The following KIAA0586 variants were observed in gnomAD, a reference collection of about 807,000 sequenced individuals.
The protein encoded by KIAA0586 is protein TALPID3.
Under a neutral mutation model 169.8 loss-of-function variants are expected in KIAA0586, and 144 were observed. The ratio of observed to expected loss-of-function variants is 0.85; its 90% CI spans 0.74 to 0.97. The LOEUF is 0.97. KIAA0586 is among the 50% of genes least tolerant of loss of function. The probability of loss-of-function intolerance (pLI) is 0.00; values close to 1 mark genes in which losing one functional copy is unlikely to be tolerated. For synonymous variants in KIAA0586, 625 were observed against 612.4 expected (o/e 1.02, Z -0.30); for missense variants, 1,854 against 1,823.0 (o/e 1.02, Z -0.31).
downstream of KIAA0586, among the ~76,000 whole-genome samples, chr14:58,554,988 T>A (rs2047234567): frequency 6.6e-6 from 1 of 152,048 alleles, no homozygotes; most frequent in Admixed American, 6.6e-5. Flanking sequence ...ACTGTTATGG[T>A]GAAATGAGTT....
At chr14:58,475,986 C>T (rs909585924) in intron 19 of KIAA0586, among the ~76,000 whole-genome samples, 2 of 152,088 alleles carry the variant, frequency 1.3e-5, no homozygotes, top group Non-Finnish European at 2.9e-5. Context: ...TGGTCCCTGC[C>T]ACTCGGGAGA....
intron 21 of KIAA0586, among the ~76,000 whole-genome samples, chr14:58,486,552 C>G (rs1329601358): frequency 4.0e-5 from 6 of 151,870 alleles, no homozygotes; most frequent in Non-Finnish European, 8.8e-5. Context: ...CAAATTAAAA[C>G]CACAGTGAGA....
intron 8 of KIAA0586, among the ~76,000 whole-genome samples, chr14:58,453,073 A>G (rs2039533548): frequency 6.6e-6 from 1 of 151,744 alleles, no homozygotes. Context: ...ACGCACCACC[A>G]TACCCAGCTA....
rs556366212 is a variant in KIAA0586 at position 58,470,716 on chromosome 14, GGATAA to G, written c.2547_2551del (p.Trp849Ter). On this transcript the variant is annotated stop_gained and frameshift_variant and splice_region_variant, in exon 17 of 31. Coordinates refer to ENST00000652326, the MANE Select transcript of KIAA0586 (RefSeq NM_001329943.3). LOFTEE classifies it high-confidence loss of function. Reference sequence around the variant, plus strand: ...GCATCTCTTCCTCCTGTGCAAACTTGGATAAAGGTATATTTCAGAATTTTATCATA... The same window carrying G: ...GCATCTCTTCCTCCTGTGCAAACTTGAGGTATATTTCAGAATTTTATCATA... The G allele has an allele frequency of 1.3e-6, 2 of 1,527,720 alleles. No homozygotes were observed. The highest frequency in any genetic ancestry group is 4.5e-5 in the East Asian group (2 of 44,256). 94.6% of individuals were successfully genotyped at this position (1,527,720 alleles called of 1,614,324 possible). A position where few individuals can be genotyped will look rare whatever the true frequency, so the allele number is the denominator to read the frequency against.
chr14:58,446,636 A>T (rs1282596455), intron 6 of KIAA0586, among the ~76,000 whole-genome samples: 1 of 152,188 alleles, frequency 6.6e-6, no homozygotes, highest in East Asian at 1.9e-4. Flanking sequence ...AAATAAGTTT[A>T]TTATACTTAA....
At chr14:58,505,957 T>C (rs1256293877) in intron 27 of KIAA0586, among the ~76,000 whole-genome samples, 1 of 152,202 alleles carries the variant, frequency 6.6e-6, no homozygotes, top group Non-Finnish European at 1.5e-5. Flanking sequence ...ATGGCTTGAT[T>C]ATGTTGCTAT....
At chr14:58,505,024 C>T (rs34662078) in intron 27 of KIAA0586, among the ~76,000 whole-genome samples, 6,529 of 152,186 alleles carry the variant, frequency 0.043, 157 homozygotes, top group Middle Eastern at 0.065. Flanking sequence ...AAAGCTATTA[C>T]GCACTTTTTG....
intron 25 of KIAA0586, 32 bp from the exon 26 acceptor site, chr14:58,492,112 A>C: frequency 6.9e-7 from 1 of 1,448,220 alleles, no homozygotes; most frequent in Non-Finnish European, 9.2e-7. Context: ...GAAATAATTT[A>C]TTTTTATTAA....
intron 29 of KIAA0586, among the ~76,000 whole-genome samples, chr14:58,532,323 C>T (rs2046028599): frequency 6.6e-6 from 1 of 152,166 alleles, no homozygotes; most frequent in Admixed American, 6.5e-5. Context: ...CTCTGGCTTA[C>T]TTCAGAATTA....
At chr14:58,524,074 T>C (rs2045406612) in intron 29 of KIAA0586, among the ~76,000 whole-genome samples, 1 of 152,042 alleles carries the variant, frequency 6.6e-6, no homozygotes, top group African/African-American at 2.4e-5. Flanking sequence ...ATAATGAAAA[T>C]AAAAAGAGAA....
chr14:58,428,294 GA>G lies in KIAA0586; in HGVS notation c.38del (p.Lys13ArgfsTer6), dbSNP rs745949846. The G allele has an allele frequency of 1.5e-5, 25 of 1,613,354 alleles. No individual in the cohort carries two copies. In the Middle Eastern group the frequency reaches 8.3e-4, roughly 53 times the overall value. MKGSEVSLEK[K>X]KKIKMPVKRL... Reference sequence around the variant, plus strand: ...AAGGCTCTGAGGTCAGCTTGGAGAAGAAAAAAAAGATTAAGATGCCAGTGAA... The same window carrying G: ...AAGGCTCTGAGGTCAGCTTGGAGAAGAAAAAAAGATTAAGATGCCAGTGAA... On this transcript the variant is annotated frameshift_variant, in exon 1 of 31. Coordinates refer to ENST00000652326, the MANE Select transcript of KIAA0586 (RefSeq NM_001329943.3). LOFTEE classifies it high-confidence loss of function.
chr14:58,543,745 T>C (rs1302015141), intron 30 of KIAA0586: 1 of 346,068 alleles, frequency 2.9e-6, no homozygotes, highest in African/African-American at 2.2e-5. Context: ...CCATCCAAAA[T>C]ATCTTGACCC....
chr14:58,454,991 TC>T (rs2039699734), intron 9 of KIAA0586, among the ~76,000 whole-genome samples: 1 of 152,222 alleles, frequency 6.6e-6, no homozygotes, highest in South Asian at 2.1e-4. Flanking sequence ...CCCACAGGTC[TC>T]TAAGACTTAA....
At chr14:58,430,443 G>A (rs1226348809) in intron 2 of KIAA0586, among the ~76,000 whole-genome samples, 4 of 152,078 alleles carry the variant, frequency 2.6e-5, no homozygotes, top group Non-Finnish European at 4.4e-5. Flanking sequence ...TCATTCACTT[G>A]TCTGATAGTG....
chr14:58,556,966 A>G, the KIAA0586 span, among the ~76,000 whole-genome samples: 6 of 152,120 alleles, frequency 3.9e-5, no homozygotes, highest in Admixed American at 3.3e-4. Context: ...GCTGGTCTCA[A>G]ACTCCTGACC....
chr14:58,493,187 A>G (rs190039250), intron 26 of KIAA0586, among the ~76,000 whole-genome samples: 8 of 152,302 alleles, frequency 5.3e-5, no homozygotes, highest in Admixed American at 2.6e-4. Flanking sequence ...TTAAGGGCAT[A>G]GGATTGACAG....
At chr14:58,495,530 G>T (rs1371186587) in intron 26 of KIAA0586, among the ~76,000 whole-genome samples, 1 of 151,938 alleles carries the variant, frequency 6.6e-6, no homozygotes, top group Non-Finnish European at 1.5e-5. Flanking sequence ...ACTTCTGACC[G>T]CAAGTGATCC....
At position 58,492,259 on chromosome 14, in the gene KIAA0586, C is replaced by A. The variant is rs1390242618; in HGVS notation, c.3974C>A (p.Ala1325Glu). ...QNQESAVSQQ[A>E]VYHSEDLENS... is the part of the protein sequence containing the mutation. Reference sequence around the variant, plus strand: ...CAGGAGTCAGCAGTTTCCCAGCAAGCAGTCTATCATTCAGAGGTACTTTTT... The same window carrying A: ...CAGGAGTCAGCAGTTTCCCAGCAAGAAGTCTATCATTCAGAGGTACTTTTT... Residue 1325 changes from alanine to glutamate, a missense_variant, in exon 26 of 31, where the codon GCA (alanine) becomes GAA (glutamate). Coordinates refer to ENST00000652326, the MANE Select transcript of KIAA0586 (RefSeq NM_001329943.3). 6.4e-7 allele frequency: 1 copy of A among 1,550,514 alleles called. No individual in the cohort carries two copies. Among genetic ancestry groups the A allele is most frequent in the East Asian group, 2.4e-5 (1 of 41,084 alleles).
chr14:58,477,034 G>A (rs898387425), intron 19 of KIAA0586, 89 bp from the exon 20 acceptor site: 1 of 651,484 alleles, frequency 1.5e-6, no homozygotes, highest in Non-Finnish European at 2.7e-6. Context: ...ATTGGTAAAG[G>A]TTATTTTTAG....
Sources: gnomAD v4.1 joint callset for allele counts (sites outside exome capture counted in the v4.1 genomes callset) on GRCh38, gnomAD v4.1.1 for gene constraint, MANE v1.5 for transcripts, NCBI Gene and HGNC (gene_info 2026-07-23, HGNC 2026-07-21) for gene names.